NBAS: variants seen among roughly 807,000 people sequenced by gnomAD.
The protein encoded by NBAS is NAG/BC035112 fusion.
NBAS carries 219 observed loss-of-function variants against 302.5 expected under a neutral mutation model. That is an observed-to-expected ratio of 0.72 (90% CI 0.65 to 0.81). The LOEUF is 0.81. Ranked by LOEUF, NBAS falls within the 30% of genes least tolerant of loss-of-function variation. The probability of loss-of-function intolerance (pLI) is 0.00; values close to 1 mark genes in which losing one functional copy is unlikely to be tolerated. For synonymous variants in NBAS, 1,118 were observed against 1,021.6 expected (o/e 1.09, Z -1.80); for missense variants, 2,932 against 2,841.6 (o/e 1.03, Z -0.72).
chr2:14,993,411 T>C, the NBAS span, among the ~76,000 whole-genome samples: 1 of 152,242 alleles, frequency 6.6e-6, no homozygotes, highest in African/African-American at 2.4e-5. Context: ...TTCTGTCTTA[T>C]TCTTCTGCTC....
At chr2:15,547,920 G>C (rs1417598328) in intron 6 of NBAS, among the ~76,000 whole-genome samples, 1 of 152,078 alleles carries the variant, frequency 6.6e-6, no homozygotes, top group East Asian at 1.9e-4. Context: ...CTCCCCAAAA[G>C]GATTAGGCAA....
intron 35 of NBAS, among the ~76,000 whole-genome samples, chr2:15,337,552 G>A (rs1475380232): frequency 2.6e-5 from 4 of 152,192 alleles, no homozygotes; most frequent in Non-Finnish European, 5.9e-5. Context: ...CTGTGCTTCT[G>A]TCCAAATGGA....
chr2:15,443,566 G>A (rs1161625806), intron 21 of NBAS, among the ~76,000 whole-genome samples: 2 of 151,048 alleles, frequency 1.3e-5, no homozygotes, highest in Non-Finnish European at 2.9e-5. Context: ...GGCAAAAACT[G>A]GAAGCATTCC....
intron 35 of NBAS, among the ~76,000 whole-genome samples, chr2:15,345,420 T>A (rs1471523890): frequency 5.9e-5 from 9 of 152,002 alleles, no homozygotes; most frequent in Non-Finnish European, 1.2e-4. Flanking sequence ...ACAAAGAGAA[T>A]AAAATACCTA....
the NBAS span, among the ~76,000 whole-genome samples, chr2:14,784,378 A>T: frequency 6.6e-6 from 1 of 152,240 alleles, no homozygotes; most frequent in Non-Finnish European, 1.5e-5. Flanking sequence ...TGTTTTAGAC[A>T]TGAAGTCCTT....
the NBAS span, among the ~76,000 whole-genome samples, chr2:15,158,626 C>G: frequency 6.6e-6 from 1 of 152,212 alleles, no homozygotes; most frequent in South Asian, 2.1e-4. Flanking sequence ...GGTAGAAGAG[C>G]CTTCCTCCCT....
chr2:15,467,485 T>TA (rs200192149), intron 18 of NBAS, 78 bp from the exon 19 acceptor site: 1 of 1,396,952 alleles, frequency 7.2e-7, no homozygotes, highest in African/African-American at 1.4e-5. Context: ...AAATGATTAA[T>TA]ATTCCGTTGA....
chr2:15,017,419 C>A, the NBAS span, among the ~76,000 whole-genome samples: 36 of 151,928 alleles, frequency 2.4e-4, no homozygotes, highest in African/African-American at 8.2e-4. Context: ...ATTCATCCAA[C>A]TGGAAGTTAA....
intron 22 of NBAS, among the ~76,000 whole-genome samples, chr2:15,425,727 T>C (rs1399103147): frequency 6.6e-6 from 1 of 152,146 alleles, no homozygotes; most frequent in Non-Finnish European, 1.5e-5. Flanking sequence ...TCACTCCTCC[T>C]GGCATCTCTT....
downstream of NBAS, among the ~76,000 whole-genome samples, chr2:15,163,377 C>G (rs1229330796): frequency 6.6e-6 from 1 of 152,158 alleles, no homozygotes; most frequent in African/African-American, 2.4e-5. Context: ...AGAGACATGG[C>G]CAACAAGAGA....
At chr2:14,783,783 G>A in the NBAS span, among the ~76,000 whole-genome samples, 1 of 152,090 alleles carries the variant, frequency 6.6e-6, no homozygotes, top group African/African-American at 2.4e-5. Context: ...ATAAACATAT[G>A]TGTGCATATG....
At chr2:14,884,970 G>A in the NBAS span, among the ~76,000 whole-genome samples, 35,306 of 152,078 alleles carry the variant, frequency 0.23, 4,666 homozygotes, top group Non-Finnish European at 0.3. Flanking sequence ...GACAGACAAT[G>A]TGAGACAAAG....
At chr2:15,316,691 G>C (rs1671529784) in intron 38 of NBAS, among the ~76,000 whole-genome samples, 1 of 152,194 alleles carries the variant, frequency 6.6e-6, no homozygotes, top group African/African-American at 2.4e-5. Context: ...GGCCATTGCT[G>C]AGGCTTGAGT....
intron 47 of NBAS, among the ~76,000 whole-genome samples, chr2:15,229,350 A>C (rs1572487458): frequency 8.4e-6 from 1 of 119,544 alleles, no homozygotes; most frequent in Non-Finnish European, 1.6e-5. Context: ...CAAAAAACAA[A>C]AAAAAAAAAA....
chr2:15,376,111 A>G (rs1674723010), intron 30 of NBAS, among the ~76,000 whole-genome samples: 1 of 152,276 alleles, frequency 6.6e-6, no homozygotes, highest in Middle Eastern at 3.4e-3. Context: ...TCCTTTTTGT[A>G]TTGTTTGGAT....
Position 15,415,534 on chromosome 2 carries a change from GT to G in NBAS, c.2937+11del. ...AAGTGCCCAGAATTTTAAGAAGTTA[GT>G]TTCTACTTACATCTGGTTTGGAATG... On this transcript the variant is annotated intron_variant, in intron 25 of 51. Transcript: ENST00000281513. The G allele has an allele frequency of 6.2e-7, 1 of 1,613,234 alleles. No individual in the cohort carries two copies. Among genetic ancestry groups the G allele is most frequent in the Non-Finnish European group, 8.5e-7 (1 of 1,179,196 alleles).
At chr2:14,899,027 A>C in the NBAS span, among the ~76,000 whole-genome samples, 3 of 152,138 alleles carry the variant, frequency 2.0e-5, no homozygotes. Flanking sequence ...CTCCACCTGG[A>C]AACTAGGGTG....
At chr2:14,819,903 T>A in the NBAS span, among the ~76,000 whole-genome samples, 9 of 152,334 alleles carry the variant, frequency 5.9e-5, no homozygotes, top group East Asian at 1.7e-3. Context: ...AAAGCAGGTA[T>A]ATGAAAAGGT....
Position 15,511,340 on chromosome 2 carries a change from CAAGTAA to C in NBAS, c.751_756del (p.Leu251_Leu252del), listed in dbSNP as rs2148648500. ...ACTTCAGCAGTTTCACATCCACCAACAAGTAAAAGTCTAAAAAGGAGAAAATTTTTA... is the reference window on the plus strand; with the variant it reads ...ACTTCAGCAGTTTCACATCCACCAACAAGTCTAAAAAGGAGAAAATTTTTA... On this transcript the variant is annotated inframe_deletion, in exon 10 of 52. Coordinates refer to ENST00000281513, the MANE Select transcript of NBAS (RefSeq NM_015909.4). 1 of 1,613,788 alleles carries C rather than the reference CAAGTAA, an allele frequency of 6.2e-7. No homozygotes were observed. The highest frequency in any genetic ancestry group is 8.5e-7 in the Non-Finnish European group (1 of 1,179,896).
Sources: gnomAD v4.1 joint callset for allele counts (sites outside exome capture counted in the v4.1 genomes callset) on GRCh38, gnomAD v4.1.1 for gene constraint, MANE v1.5 for transcripts, NCBI Gene and HGNC (gene_info 2026-07-23, HGNC 2026-07-21) for gene names.